Variants in LLGL1 observed in about 807,000 individuals in gnomAD.
LLGL1 encodes the protein lethal(2) giant larvae protein homolog 1.
In LLGL1, 58 loss-of-function variants were observed where a neutral mutation model predicts 110.6. The ratio of observed to expected loss-of-function variants is 0.52; its 90% CI spans 0.42 to 0.65. LLGL1 has a LOEUF of 0.65. Ranked by LOEUF, LLGL1 falls within the 30% of genes least tolerant of loss-of-function variation. LLGL1 has a pLI of 0.00. For missense variants in LLGL1, 1,229 were observed against 1,462.1 expected, an observed-to-expected ratio of 0.84 and a Z score of 2.60; for synonymous variants, 674 against 607.2, an observed-to-expected ratio of 1.11 and a Z score of -1.62.
Position 18,241,524 on chromosome 17 carries a change from A to G in LLGL1, c.2576A>G (p.Lys859Arg). The G allele has an allele frequency of 6.2e-7, 1 of 1,613,860 alleles. No homozygotes were observed. Among genetic ancestry groups the G allele is most frequent in the South Asian group, 1.1e-5 (1 of 91,086 alleles). The change falls in exon 18 of 23, where the codon AAG (lysine) becomes AGG (arginine). Residue 859 changes from lysine to arginine, a missense_variant. Physicochemically the swap from Lys to Arg is conservative, Grantham distance 26. Transcript: ENST00000316843. ...LTAHEGCRVR[K>R]VALATFASVA... Reference sequence around the variant, plus strand: ...GCCCATGAGGGCTGTCGTGTGCGCAAGGTGGCACTGGCCACGTTTGCCAGT... The same window carrying G: ...GCCCATGAGGGCTGTCGTGTGCGCAGGGTGGCACTGGCCACGTTTGCCAGT...
Position 18,236,952 on chromosome 17 carries a change from G to A in LLGL1, c.1611+13G>A. Reference sequence around the variant, plus strand: ...CACTGCAGGCCAGGTAGGGCTGGGTGTCCCCTGGGTTGGAGATGTCAGGGA... The same window carrying A: ...CACTGCAGGCCAGGTAGGGCTGGGTATCCCCTGGGTTGGAGATGTCAGGGA... On this transcript the variant is annotated intron_variant, in intron 13 of 22. Coordinates refer to ENST00000316843, the MANE Select transcript of LLGL1 (RefSeq NM_004140.4). The A allele has an allele frequency of 6.2e-7, 1 of 1,602,162 alleles. No homozygotes were observed. Among genetic ancestry groups the A allele is most frequent in the Non-Finnish European group, 8.5e-7 (1 of 1,171,706 alleles).
At chr17:18,232,368 A>ACTC in intron 2 of LLGL1, 127 bp from the exon 3 acceptor site, 1 of 744,918 alleles carries the variant, frequency 1.3e-6, no homozygotes, top group East Asian at 2.7e-5. Context: ...TTCAGGGAGG[A>ACTC]CTCCTGGATG....
In LLGL1 at chr17:18,242,150, G is replaced by A. The variant is rs2047851615; in HGVS notation, c.2883-16G>A. ...GTCATCCACCTATGGTCCCCATCAT[G>A]GCCCCATCTCTGCAGTTACAGGATC... On this transcript the variant is annotated splice_polypyrimidine_tract_variant and intron_variant, in intron 19 of 22. Coordinates refer to ENST00000316843, the MANE Select transcript of LLGL1 (RefSeq NM_004140.4). The A allele has an allele frequency of 1.9e-6, 3 of 1,604,554 alleles. No individual in the cohort carries two copies. Among genetic ancestry groups the A allele is most frequent in the Non-Finnish European group, 2.6e-6 (3 of 1,171,456 alleles).
rs2047753283 is a variant in LLGL1, at chr17:18,238,676, G to T, written c.2206+67G>T. The T allele has an allele frequency of 2.7e-6, 4 of 1,490,102 alleles. No homozygotes were observed. The East Asian group carries it at 9.1e-5, about 34-fold the overall frequency. The allele number at this position is 1,490,102 out of a possible 1,614,324, so 92.3% of individuals were successfully genotyped here. ...GGGCTGGCCTCAATTGGCCACCTGG[G>T]AGATGGGTGGTGGCAAGGGAGGTGG... On this transcript the variant is annotated intron_variant, in intron 16 of 22. Transcript: ENST00000316843.
At position 18,238,105 on chromosome 17, in the gene LLGL1, G is replaced by T; in HGVS notation, c.1943G>T (p.Gly648Val). Residue 648 changes from glycine to valine, a missense_variant, in exon 15 of 23, where the codon GGT (glycine) becomes GTT (valine). Coordinates refer to ENST00000316843, the MANE Select transcript of LLGL1 (RefSeq NM_004140.4). ...CCCAATGACTCCCTGGCCATGGAGGGTCCGCTCTCCCGGGTGAAGTCTCTC... is the reference window on the plus strand; with the variant it reads ...CCCAATGACTCCCTGGCCATGGAGGTTCCGCTCTCCCGGGTGAAGTCTCTC... ...LHPNDSLAMEGPLSRVKSLKK... is the reference protein window; with the variant it reads ...LHPNDSLAMEVPLSRVKSLKK... 1 of 1,613,806 alleles carries T rather than the reference G, an allele frequency of 6.2e-7. No homozygotes were observed. Among genetic ancestry groups the T allele is most frequent in the Non-Finnish European group, 8.5e-7 (1 of 1,179,994 alleles).
Position 18,240,528 on chromosome 17 carries a change from G to A in LLGL1, c.2207-50G>A. 1.3e-6 allele frequency: 2 copies of A among 1,534,266 alleles called. No individual in the cohort carries two copies. Among genetic ancestry groups the A allele is most frequent in the African/African-American group, 1.4e-5 (1 of 73,332 alleles). The stretch of plus-strand genomic sequence containing the variant: ...TGCAGTCTGTGGGAAGACCCCAGGG[G>A]AGATGCCTGGCCCACAGGGAGCACC... On this transcript the variant is annotated intron_variant, in intron 16 of 22. Transcript: ENST00000316843. This position sits in a 1 kb window ranked among gnomAD's most constrained non-coding sequence, Gnocchi z 5.3.
chr17:18,236,483 A>C, intron 11 of LLGL1, 124 bp from the exon 12 acceptor site: 3 of 936,686 alleles, frequency 3.2e-6, no homozygotes, highest in Non-Finnish European at 4.9e-6. Context: ...TTGTAAAAGT[A>C]GGATTCCGGT....
intron 15 of LLGL1, 67 bp downstream of exon 15, chr17:18,238,281 G>A: frequency 1.3e-6 from 2 of 1,598,588 alleles, no homozygotes; most frequent in Non-Finnish European, 1.7e-6. Context: ...TCTGGCCTGG[G>A]ACCCCTGGGG....
Position 18,235,237 on chromosome 17 carries a change from T to C in LLGL1, c.1209T>C (p.Ser403=), listed in dbSNP as rs1180692654. The change falls in exon 10 of 23, where the codon AGT becomes AGC. Residue 403 remains serine (S), a synonymous_variant. Transcript: ENST00000316843. The part of the protein sequence containing the change: ...SAITCSAHVA[S]VPAKLWARIV... ...TCACTTGCTCGGCCCACGTGGCCAG[T>C]GTCCCCGCCAAGCTGTGGGCCCGCA... The C allele has an allele frequency of 3.1e-6, 5 of 1,610,624 alleles. No individual in the cohort carries two copies. The highest frequency in any genetic ancestry group is 1.1e-5 in the South Asian group (1 of 91,086).
chr17:18,242,964 C>A, intron 22 of LLGL1, 142 bp downstream of exon 22: 2 of 741,762 alleles, frequency 2.7e-6, no homozygotes, highest in African/African-American at 1.8e-5. Flanking sequence ...TGGCTGCCTT[C>A]CATGGAGTGC....
chr17:18,238,663 A>G (rs1046245036), intron 16 of LLGL1, 54 bp downstream of exon 16: 9 of 1,542,490 alleles, frequency 5.8e-6, no homozygotes, highest in South Asian at 4.7e-5. Flanking sequence ...GCTGGCCTCA[A>G]TTGGCCACCT....
chr17:18,235,344 G>C (rs773280875), intron 10 of LLGL1, 32 bp downstream of exon 10: 1 of 1,607,724 alleles, frequency 6.2e-7, no homozygotes, highest in East Asian at 2.2e-5. Context: ...GTCTTACAGG[G>C]TGGAGTCTTG....
rs531247736 is a variant in LLGL1, at chr17:18,241,812, C to G, written c.2768-73C>G. The G allele has an allele frequency of 2.6e-4, 424 of 1,603,948 alleles. 5 individuals carry two copies. The South Asian group carries it at 4.4e-3, about 17-fold the overall frequency. On this transcript the variant is annotated intron_variant, in intron 18 of 22. Transcript: ENST00000316843. ...GCAGGAAGGGCACTCCAGGTGGGCA[C>G]AGGCCCAGGCCACGGAGGAGCTGTG...
In LLGL1 at chr17:18,240,095, A is replaced by G. The variant is rs145470919; in HGVS notation, c.2207-483A>G. The stretch of plus-strand genomic sequence containing the variant: ...CCTCTGGCTGCCACGTAGGGAGCAC[A>G]CTGAAGACAGTGGGGGTGAAGCAGG... On this transcript the variant is annotated intron_variant, in intron 16 of 22. Coordinates refer to ENST00000316843, the MANE Select transcript of LLGL1 (RefSeq NM_004140.4). This position sits in a 1 kb window ranked among gnomAD's most constrained non-coding sequence, Gnocchi z 5.3. 0.014 allele frequency among the ~76,000 whole-genome samples: 2,135 copies of G among 152,194 alleles called. 20 individuals are homozygous for G. Among genetic ancestry groups the G allele is most frequent in the Middle Eastern group, 0.027 (8 of 292 alleles).
Position 18,240,502 on chromosome 17 carries a change from C to A in LLGL1, c.2207-76C>A. ...GGCTACAAGAGAGGCAGGGAGGGAC[C>A]TGCAGTCTGTGGGAAGACCCCAGGG... On this transcript the variant is annotated intron_variant, in intron 16 of 22. Coordinates refer to ENST00000316843, the MANE Select transcript of LLGL1 (RefSeq NM_004140.4). This position sits in a 1 kb window ranked among gnomAD's most constrained non-coding sequence, Gnocchi z 5.3. 1 of 1,471,716 alleles carries A rather than the reference C, an allele frequency of 6.8e-7. No homozygotes were observed. Among genetic ancestry groups the A allele is most frequent in the Non-Finnish European group, 9.1e-7 (1 of 1,101,538 alleles). 91.2% of individuals were successfully genotyped at this position (1,471,716 alleles called of 1,614,324 possible). A position where few individuals can be genotyped will look rare whatever the true frequency, so the allele number is the denominator to read the frequency against.
Position 18,230,016 on chromosome 17 carries a change from A to G in LLGL1, c.157A>G (p.Thr53Ala). 1.9e-6 allele frequency: 3 copies of G among 1,611,768 alleles called. No individual in the cohort carries two copies. Among genetic ancestry groups the G allele is most frequent in the Non-Finnish European group, 2.5e-6 (3 of 1,179,724 alleles). Residue 53 changes from threonine (T) to alanine (A), a missense_variant, in exon 2 of 23, where the codon ACC becomes GCC. Transcript: ENST00000316843. ...GGAACTTCGCATCATGGCCATCGGCACCAGGTCTGGGGCTGTCAAGATGTA... is the reference window on the plus strand; with the variant it reads ...GGAACTTCGCATCATGGCCATCGGCGCCAGGTCTGGGGCTGTCAAGATGTA... The part of the protein sequence containing the change: ...DPELRIMAIG[T>A]RSGAVKIYGA...
At position 18,241,699 on chromosome 17, in the gene LLGL1, T is replaced by C. The variant is rs748107831; in HGVS notation, c.2751T>C (p.Phe917=). Residue 917 remains phenylalanine, a synonymous_variant, in exon 18 of 23, where the codon TTT becomes TTC. Transcript: ENST00000316843. ...EDISGIASCV[F]TRHGQGFYLI... is the part of the protein sequence containing the mutation. ...TCAGCGGCATCGCTTCGTGCGTCTT[T>C]ACGCGCCATGGCCAGGGTGAGGCGG... is the stretch of plus-strand genomic sequence containing the variant. 1.7e-5 allele frequency: 28 copies of C among 1,613,234 alleles called. No homozygotes were observed. Among genetic ancestry groups the C allele is most frequent in the Non-Finnish European group, 2.3e-5 (27 of 1,179,798 alleles).
At position 18,238,439 on chromosome 17, in the gene LLGL1, GAGCCCCCGCCCGGC is replaced by G; in HGVS notation, c.2053-14_2053-1del. On this transcript the variant is annotated splice_polypyrimidine_tract_variant and splice_region_variant and intron_variant, in intron 15 of 22. Transcript: ENST00000316843. ...GGGGTGCTAGGGAGACAGTGTTCAG[GAGCCCCCGCCCGGC>G]AGTTGCAGGAAGCCAATGCACAGCT... 1 of 1,599,520 alleles carries G rather than the reference GAGCCCCCGCCCGGC, an allele frequency of 6.3e-7. No homozygotes were observed. The highest frequency in any genetic ancestry group is 8.5e-7 in the Non-Finnish European group (1 of 1,172,220).
intron 7 of LLGL1, 99 bp from the exon 8 acceptor site, chr17:18,234,550 A>G: frequency 6.3e-7 from 1 of 1,577,748 alleles, no homozygotes; most frequent in Non-Finnish European, 8.7e-7. Context: ...GGGAGGCAGG[A>G]GGCAGCTGTA....
Sources: gnomAD v4.1 joint callset for allele counts (sites outside exome capture counted in the v4.1 genomes callset) on GRCh38, gnomAD v4.1.1 for gene constraint, Gnocchi (gnomAD v3.1) non-coding constraint, MANE v1.5 for transcripts, NCBI Gene and HGNC (gene_info 2026-07-23, HGNC 2026-07-21) for gene names.